COL28A1: variants seen among roughly 807,000 people sequenced by gnomAD.
COL28A1 encodes the protein collagen alpha-1(XXVIII) chain.
Under a neutral mutation model 150.2 loss-of-function variants are expected in COL28A1, and 161 were observed. The ratio of observed to expected loss-of-function variants is 1.07; its 90% CI spans 0.94 to 1.22. The LOEUF is 1.22. Ranked by LOEUF, COL28A1 falls within the 50% of genes most tolerant of loss-of-function variation. The pLI, the probability that COL28A1 is intolerant of heterozygous loss-of-function variation, is 0.00. For synonymous variants in COL28A1, 552 were observed against 469.7 expected, an observed-to-expected ratio of 1.18 and a Z score of -2.26; for missense variants, 1,617 against 1,388.3, an observed-to-expected ratio of 1.16 and a Z score of -2.62.
chr7:7,396,007 A>G (rs1216741665), intron 27 of COL28A1, among the ~76,000 whole-genome samples: 1 of 152,208 alleles, frequency 6.6e-6, no homozygotes, highest in Non-Finnish European at 1.5e-5. Flanking sequence ...GTCAACAAGT[A>G]TTTGGCCTGG....
intron 25 of COL28A1, among the ~76,000 whole-genome samples, chr7:7,430,671 C>T (rs1784910604): frequency 6.6e-6 from 1 of 151,942 alleles, no homozygotes; most frequent in South Asian, 2.1e-4. Flanking sequence ...CTTCTACTTC[C>T]CTAAATATTC....
Position 7,472,414 on chromosome 7 carries a change from T to C in COL28A1, c.1302+2187A>G, listed in dbSNP as rs375408017. ...GAATCAAATCAAGAACTCAACCCTT[T>C]TTACAATAGCTGCAAAAAAAAAAAT... On this transcript the variant is annotated intron_variant, in intron 15 of 34. Coordinates refer to ENST00000399429, the MANE Select transcript of COL28A1 (RefSeq NM_001037763.3). 8.6e-5 allele frequency among the ~76,000 whole-genome samples: 13 copies of C among 151,950 alleles called. No individual in the cohort carries two copies. The South Asian group carries it at 1.0e-3, about 12-fold the overall frequency.
At chr7:7,513,525 C>A (rs1027273054) in intron 8 of COL28A1, among the ~76,000 whole-genome samples, 1 of 152,160 alleles carries the variant, frequency 6.6e-6, no homozygotes, top group Non-Finnish European at 1.5e-5. Flanking sequence ...CACATCCTTT[C>A]GTGAGTCAAA....
At chr7:7,390,000 T>C (rs544918219) in intron 27 of COL28A1, among the ~76,000 whole-genome samples, 12 of 152,304 alleles carry the variant, frequency 7.9e-5, no homozygotes, top group Non-Finnish European at 1.5e-4. Flanking sequence ...TCTTGACTGA[T>C]TGCCTTGGCC....
chr7:7,540,326 T>A (rs1438442087), upstream of COL28A1, among the ~76,000 whole-genome samples: 1 of 152,252 alleles, frequency 6.6e-6, no homozygotes, highest in East Asian at 1.9e-4. Context: ...CATTTTACTT[T>A]CAGATATTAG....
At chr7:7,501,292 C>A (rs1221494766) in intron 11 of COL28A1, among the ~76,000 whole-genome samples, 1 of 152,154 alleles carries the variant, frequency 6.6e-6, no homozygotes, top group Non-Finnish European at 1.5e-5. Context: ...ATATACAATA[C>A]TGCAGTATTT....
chr7:7,451,645 G>C (rs546548816), intron 18 of COL28A1, among the ~76,000 whole-genome samples: 1 of 152,004 alleles, frequency 6.6e-6, no homozygotes, highest in South Asian at 2.1e-4. Flanking sequence ...CTCTGCAATT[G>C]ACATATATAT....
chr7:7,529,584 A>G (rs1782231055), intron 3 of COL28A1, among the ~76,000 whole-genome samples: 1 of 152,232 alleles, frequency 6.6e-6, no homozygotes. Context: ...CTTCCAGTCT[A>G]CTGCCAAGAG....
chr7:7,421,809 CT>C (rs1239133127), intron 25 of COL28A1, among the ~76,000 whole-genome samples: 1 of 152,162 alleles, frequency 6.6e-6, no homozygotes, highest in Non-Finnish European at 1.5e-5. Context: ...TTACAGACCA[CT>C]TTTATTATAC....
chr7:7,402,620 C>A (rs1783270739), intron 27 of COL28A1, among the ~76,000 whole-genome samples: 1 of 152,074 alleles, frequency 6.6e-6, no homozygotes, highest in Non-Finnish European at 1.5e-5. Context: ...AATATCAAGG[C>A]AAAACACTAA....
chr7:7,489,271 AAAAT>A (rs1779788111), intron 13 of COL28A1, 114 bp downstream of exon 13: 2 of 681,626 alleles, frequency 2.9e-6, no homozygotes, highest in Non-Finnish European at 5.2e-6. Context: ...CCGTCTCAAA[AAAAT>A]AAATAAATAA....
chr7:7,507,471 T>C (rs1362966895), intron 9 of COL28A1, among the ~76,000 whole-genome samples: 1 of 152,220 alleles, frequency 6.6e-6, no homozygotes. Flanking sequence ...GGCTATAAAC[T>C]TATTGGAATA....
rs755135121 is a variant in COL28A1, at chr7:7,373,397, T to C, written c.2509A>G (p.Ile837Val). 7 of 1,614,200 alleles carry C rather than the reference T, an allele frequency of 4.3e-6. No individual in the cohort carries two copies. The highest frequency in any genetic ancestry group is 1.7e-5 in the Admixed American group (1 of 60,026). Residue 837 changes from isoleucine to valine, a missense_variant, in exon 32 of 35, where the codon ATA (isoleucine) becomes GTA (valine). Coordinates refer to ENST00000399429, the MANE Select transcript of COL28A1 (RefSeq NM_001037763.3). This position sits in a 1 kb window ranked among gnomAD's most constrained non-coding sequence, Gnocchi z 4.1. ...TTATGGCTATAGTTGATTATGCCTA[T>C]GCGGGCCGTGGCAAGGTCCAGAGCA... ...RVALDLATAR[I>V]GIINYSHKVE...
At chr7:7,421,026 G>C (rs542761196) in intron 25 of COL28A1, among the ~76,000 whole-genome samples, 1 of 152,316 alleles carries the variant, frequency 6.6e-6, no homozygotes, top group South Asian at 2.1e-4. Flanking sequence ...TGTCCACTTA[G>C]AGACTTGCAT....
intron 15 of COL28A1, among the ~76,000 whole-genome samples, chr7:7,471,218 A>T (rs1788399636): frequency 6.6e-6 from 1 of 151,954 alleles, no homozygotes; most frequent in South Asian, 2.1e-4. Flanking sequence ...AAGCAGTAAG[A>T]CTGAAATGGT....
At chr7:7,524,995 A>G (rs1367685801) in intron 3 of COL28A1, among the ~76,000 whole-genome samples, 1 of 152,250 alleles carries the variant, frequency 6.6e-6, no homozygotes, top group African/African-American at 2.4e-5. Flanking sequence ...GTTCATAGCA[A>G]TATGCATTAC....
intron 32 of COL28A1, among the ~76,000 whole-genome samples, chr7:7,371,445 T>C (rs1487006185): frequency 6.6e-6 from 1 of 152,062 alleles, no homozygotes; most frequent in African/African-American, 2.4e-5. Flanking sequence ...AGGTGAGAAA[T>C]AGCAAAAAAG....
intron 21 of COL28A1, among the ~76,000 whole-genome samples, chr7:7,438,419 A>G (rs1381260097): frequency 1.7e-5 from 1 of 59,360 alleles, no homozygotes; most frequent in African/African-American, 2.9e-4. Context: ...AGATTTTAGA[A>G]GCAGAGGAAT....
rs140264295 is a variant in COL28A1, at chr7:7,473,549, C to T, written c.1302+1052G>A. ...AATCAAAAAATAATAGATGTTGGCA[C>T]GGATGCAGTGAACAGGGAACACTTC... is the stretch of plus-strand genomic sequence containing the variant. On this transcript the variant is annotated intron_variant, in intron 15 of 34. Coordinates refer to ENST00000399429, the MANE Select transcript of COL28A1 (RefSeq NM_001037763.3). Among the ~76,000 whole-genome samples, 396 of 152,142 alleles carry T rather than the reference C, an allele frequency of 2.6e-3. 2 individuals carry two copies. The highest frequency in any genetic ancestry group is 8.8e-3 in the African/African-American group (366 of 41,528).
Sources: gnomAD v4.1 joint callset for allele counts (sites outside exome capture counted in the v4.1 genomes callset) on GRCh38, gnomAD v4.1.1 for gene constraint, Gnocchi (gnomAD v3.1) non-coding constraint, MANE v1.5 for transcripts, NCBI Gene and HGNC (gene_info 2026-07-23, HGNC 2026-07-21) for gene names.